The following BARD1 variants were observed in gnomAD, a reference collection of about 807,000 sequenced individuals.
BARD1 encodes the protein BRCA1-associated RING domain protein 1.
BARD1 carries 73 observed loss-of-function variants against 77.0 expected under a neutral mutation model. The observed-to-expected ratio is 0.95, with a 90% CI of 0.79 to 1.15. BARD1 has a LOEUF of 1.15. Among genes scored for constraint, BARD1 ranks in the 50% most tolerant of loss-of-function variants. The pLI is 0.00. For synonymous variants in BARD1, 384 were observed against 338.0 expected (o/e 1.14, Z -1.49); for missense variants, 993 against 938.8 (o/e 1.06, Z -0.75).
chr2:214,779,009 G>A (rs1387922399), intron 4 of BARD1, among the ~76,000 whole-genome samples: 1 of 152,046 alleles, frequency 6.6e-6, no homozygotes, highest in Non-Finnish European at 1.5e-5. Flanking sequence ...GTTTACAATA[G>A]CTTATATGTA....
At chr2:214,742,422 G>C (rs975640759) in intron 9 of BARD1, among the ~76,000 whole-genome samples, 11 of 152,206 alleles carry the variant, frequency 7.2e-5, no homozygotes, top group Non-Finnish European at 8.8e-5. Context: ...CTATTTGAAG[G>C]TTCTTGCCTT....
At chr2:214,750,483 T>G (rs943677771) in intron 7 of BARD1, among the ~76,000 whole-genome samples, 3 of 152,194 alleles carry the variant, frequency 2.0e-5, no homozygotes, top group Non-Finnish European at 4.4e-5. Context: ...AGGTCCTTTA[T>G]GCCTCCTTGT....
intron 7 of BARD1, among the ~76,000 whole-genome samples, chr2:214,751,105 GTGTGTGTGTGTGTATATATA>G (rs1439377981): frequency 3.0e-4 from 3 of 9,976 alleles, no homozygotes; most frequent in Non-Finnish European, 5.2e-4. Flanking sequence ...GTGTGTGTGT[GTGTGTGTGTGTGTATATATA>G]TATATATATA....
intron 3 of BARD1, among the ~76,000 whole-genome samples, chr2:214,787,494 A>G (rs1455056061): frequency 6.6e-6 from 1 of 152,018 alleles, no homozygotes; most frequent in Non-Finnish European, 1.5e-5. Flanking sequence ...AACTGTAAAA[A>G]GCAAAACACT....
chr2:214,801,488 A>T (rs959458345), intron 1 of BARD1, among the ~76,000 whole-genome samples: 1 of 152,162 alleles, frequency 6.6e-6, no homozygotes, highest in African/African-American at 2.4e-5. Context: ...TTAAAAAAAA[A>T]TTTACTATTA....
chr2:214,773,902 G>A (rs1472845051), intron 4 of BARD1, among the ~76,000 whole-genome samples: 1 of 152,056 alleles, frequency 6.6e-6, no homozygotes, highest in Non-Finnish European at 1.5e-5. Context: ...CCCAAGATTG[G>A]AGCCAATCCT....
chr2:214,746,001 G>A, intron 7 of BARD1, 147 bp from the exon 8 acceptor site: 1 of 974,588 alleles, frequency 1.0e-6, no homozygotes. Context: ...TCTACACCCA[G>A]AACCTTTTAA....
chr2:214,781,307 T>C lies in BARD1; in HGVS notation c.567A>G (p.Ala189=), dbSNP rs878854015. The C allele has an allele frequency of 6.2e-7, 1 of 1,611,752 alleles. No homozygotes were observed. Among genetic ancestry groups the C allele is most frequent in the Non-Finnish European group, 8.5e-7 (1 of 1,179,526 alleles). ...CCTTTTTAGCCCTCTCAGAAACATC[T>C]GCAGGAGGACTTGGGGAAACAAATT... ...SYEFVSPSPP[A]DVSERAKKAS... Residue 189 remains alanine, a synonymous_variant, in exon 4 of 11, where the codon GCA becomes GCG. Transcript: ENST00000260947.
At position 214,796,884 on chromosome 2, in the gene BARD1, T is replaced by G. The variant is rs964033966; in HGVS notation, c.215+177A>C. The stretch of plus-strand genomic sequence containing the variant: ...TCATCCTCTTTGAGCTTTGGTTTTC[T>G]TATTTGTAAATTAAGACACAGTTTT... On this transcript the variant is annotated intron_variant, in intron 2 of 10. Transcript: ENST00000260947. 4.9e-6 allele frequency: 3 copies of G among 617,148 alleles called. No individual in the cohort carries two copies. In the African/African-American group the frequency reaches 5.5e-5, roughly 11 times the overall value. 38.2% of individuals were successfully genotyped at this position (617,148 alleles called of 1,614,324 possible).
chr2:214,745,133 C>T lies in BARD1; in HGVS notation c.1837G>A (p.Ala613Thr). Residue 613 changes from alanine (A) to threonine (T), a missense_variant, in exon 9 of 11, where the codon GCA becomes ACA. Ala to Thr is a moderately conservative substitution (Grantham distance 58). Coordinates refer to ENST00000260947, the MANE Select transcript of BARD1 (RefSeq NM_000465.4). ...ATACACTTCAAGGTACTTTGAACTG[C>T]ATCACCAGGAACAACAACATGAGTT... ...TVTHVVVPGD[A>T]VQSTLKCMLG... is the part of the protein sequence containing the mutation. 6.2e-7 allele frequency: 1 copy of T among 1,613,962 alleles called. No homozygotes were observed. The highest frequency in any genetic ancestry group is 1.3e-5 in the African/African-American group (1 of 75,028).
chr2:214,744,047 T>C (rs556036410), intron 9 of BARD1, among the ~76,000 whole-genome samples: 208 of 152,352 alleles, frequency 1.4e-3, no homozygotes, highest in African/African-American at 4.7e-3. Context: ...GTCAATCCAC[T>C]GTTCTATGTT....
chr2:214,802,822 C>T (rs1263587241), intron 1 of BARD1, among the ~76,000 whole-genome samples: 1 of 152,166 alleles, frequency 6.6e-6, no homozygotes, highest in Admixed American at 6.5e-5. Context: ...GAAAATTCAG[C>T]TACTCTACTT....
chr2:214,744,156 G>GA lies in BARD1; in HGVS notation c.1903+910dup, dbSNP rs539775142. On this transcript the variant is annotated intron_variant, in intron 9 of 10. Transcript: ENST00000260947. ...TTTAAGTCCCAAGAGAATCCAAGTAGAAATGTAAATGAGTGACAGCAGGGA... is the reference window on the plus strand; with the variant it reads ...TTTAAGTCCCAAGAGAATCCAAGTAGAAAATGTAAATGAGTGACAGCAGGGA... Among the ~76,000 whole-genome samples the GA allele has an allele frequency of 8.5e-5, 13 of 152,262 alleles. No homozygotes were observed. The South Asian group carries it at 2.7e-3, about 32-fold the overall frequency.
At chr2:214,796,514 CA>C (rs1695760468) in intron 2 of BARD1, among the ~76,000 whole-genome samples, 1 of 152,142 alleles carries the variant, frequency 6.6e-6, no homozygotes, top group African/African-American at 2.4e-5. Context: ...ATCTCCAAGT[CA>C]AGGAACAGCA....
chr2:214,738,597 T>A (rs77348535), intron 9 of BARD1, among the ~76,000 whole-genome samples: 4,661 of 152,162 alleles, frequency 0.031, 239 homozygotes, highest in African/African-American at 0.11. Flanking sequence ...ATGGTCATGG[T>A]TTTATATTAA....
At chr2:214,755,012 A>C (rs1328413514) in intron 6 of BARD1, among the ~76,000 whole-genome samples, 1 of 152,214 alleles carries the variant, frequency 6.6e-6, no homozygotes, top group Non-Finnish European at 1.5e-5. Context: ...TTATTTGGGC[A>C]CAATAATGTG....
At chr2:214,747,829 A>T (rs1399802342) in intron 7 of BARD1, among the ~76,000 whole-genome samples, 1 of 151,862 alleles carries the variant, frequency 6.6e-6, no homozygotes. Context: ...CACGTTGTGC[A>T]CATGTACCCT....
intron 3 of BARD1, among the ~76,000 whole-genome samples, chr2:214,789,960 T>A (rs1324305678): frequency 6.6e-6 from 1 of 152,152 alleles, no homozygotes; most frequent in Non-Finnish European, 1.5e-5. Flanking sequence ...CTCTCCAATC[T>A]CCAACTCTAC....
chr2:214,784,430 G>A (rs1435464439), intron 3 of BARD1, among the ~76,000 whole-genome samples: 1 of 152,130 alleles, frequency 6.6e-6, no homozygotes, highest in African/African-American at 2.4e-5. Flanking sequence ...CTGTTGGTGG[G>A]GGTGTAAATT....
Sources: gnomAD v4.1 joint callset for allele counts (sites outside exome capture counted in the v4.1 genomes callset) on GRCh38, gnomAD v4.1.1 for gene constraint, MANE v1.5 for transcripts, NCBI Gene and HGNC (gene_info 2026-07-23, HGNC 2026-07-21) for gene names.